USP48: variants seen among roughly 807,000 people sequenced by gnomAD.
USP48 encodes ubiquitin specific peptidase 48, also known as ubiquitin carboxyl-terminal hydrolase 48.
Under a neutral mutation model 150.7 loss-of-function variants are expected in USP48, and 43 were observed. The observed-to-expected ratio is 0.29, with a 90% CI of 0.22 to 0.37. The LOEUF (loss-of-function observed/expected upper bound fraction) is 0.37. Among genes scored for constraint, USP48 ranks in the 10% least tolerant of loss-of-function variants. The probability of loss-of-function intolerance (pLI) is 1.00; values close to 1 mark genes in which losing one functional copy is unlikely to be tolerated. For missense variants in USP48, 813 were observed against 1,249.6 expected, an observed-to-expected ratio of 0.65 and a Z score of 5.27; for synonymous variants, 396 against 425.9, an observed-to-expected ratio of 0.93 and a Z score of 0.86.
chr1:21,713,751 T>A (rs1255199480), intron 15 of USP48, among the ~76,000 whole-genome samples: 2 of 152,206 alleles, frequency 1.3e-5, no homozygotes, highest in African/African-American at 4.8e-5. Context: ...TCACCCAAAC[T>A]TCCTTCCCCT....
intron 2 of USP48, chr1:21,757,406 T>TA: frequency 3.3e-6 from 1 of 304,908 alleles, no homozygotes; most frequent in Non-Finnish European, 5.9e-6. Context: ...CATGCAATGT[T>TA]AAAGCAAACA....
chr1:21,709,490 G>A (rs200352233), intron 15 of USP48, among the ~76,000 whole-genome samples: 3 of 151,416 alleles, frequency 2.0e-5, no homozygotes, highest in African/African-American at 4.9e-5. Context: ...GAAATACAAC[G>A]TAACCATAAA....
At chr1:21,680,897 C>T in intron 25 of USP48, 63 bp from the exon 26 acceptor site, 2 of 1,285,522 alleles carry the variant, frequency 1.6e-6, no homozygotes, top group South Asian at 2.7e-5. Context: ...ACAGTAATAT[C>T]ATTTCAATGC....
intron 25 of USP48, among the ~76,000 whole-genome samples, chr1:21,684,450 G>A (rs759522048): frequency 2.7e-4 from 41 of 152,134 alleles, no homozygotes; most frequent in Non-Finnish European, 5.9e-4. Context: ...GTTCAGGTCC[G>A]TTGCCTACTG....
chr1:21,708,645 A>G (rs897476785), intron 15 of USP48, among the ~76,000 whole-genome samples: 5 of 152,170 alleles, frequency 3.3e-5, no homozygotes, highest in Non-Finnish European at 5.9e-5. Flanking sequence ...GCACTTTAGG[A>G]GGCTGAGGTG....
At chr1:21,705,880 C>A in intron 18 of USP48, 43 bp from the exon 19 acceptor site, 1 of 1,441,678 alleles carries the variant, frequency 6.9e-7, no homozygotes, top group African/African-American at 1.4e-5. Context: ...CTAATTACTG[C>A]ATGACGAAAG....
At chr1:21,747,030 G>C (rs1009768284) in intron 8 of USP48, 37 bp downstream of exon 8, 4 of 1,472,996 alleles carry the variant, frequency 2.7e-6, no homozygotes, top group Non-Finnish European at 3.7e-6. Flanking sequence ...TAGAGTCTCT[G>C]AGCATTATAA....
chr1:21,695,803 T>G (rs912054363), intron 22 of USP48, among the ~76,000 whole-genome samples: 3 of 152,178 alleles, frequency 2.0e-5, no homozygotes, highest in Admixed American at 2.0e-4. Flanking sequence ...TTTTAAACAT[T>G]TTCTTCTCTT....
At chr1:21,730,865 A>G (rs2097755099) in intron 9 of USP48, among the ~76,000 whole-genome samples, 1 of 150,542 alleles carries the variant, frequency 6.6e-6, no homozygotes, top group Non-Finnish European at 1.5e-5. Context: ...GGTTCAAGCG[A>G]TTCTCATGCC....
chr1:21,780,711 C>A (rs2097912147), intron 1 of USP48, among the ~76,000 whole-genome samples: 1 of 149,952 alleles, frequency 6.7e-6, no homozygotes, highest in African/African-American at 2.4e-5. Context: ...GCGGAACATA[C>A]AGGGCATACA....
intron 1 of USP48, among the ~76,000 whole-genome samples, chr1:21,760,005 A>AAATTTAACACACC (rs2152613933): frequency 6.6e-6 from 1 of 152,346 alleles, no homozygotes; most frequent in African/African-American, 2.4e-5. Context: ...CCAAATGCTT[A>AAATTTAACACACC]AATTTAACAC....
chr1:21,704,936 T>G (rs1242961520), intron 19 of USP48, among the ~76,000 whole-genome samples: 1 of 151,210 alleles, frequency 6.6e-6, no homozygotes, highest in Non-Finnish European at 1.5e-5. Context: ...ACATTTGCAA[T>G]AACAACGACA....
Position 21,753,012 on chromosome 1 carries a change from G to A in USP48, c.520C>T (p.Leu174=). The stretch of plus-strand genomic sequence containing the variant: ...CTTACCTGCTGTTGTCCAGTGTCCA[G>A]GCCCAAGGCTTTAACAAATCCTGAT... ...DPSGFVKALG[L]DTGQQQDAQE... Residue 174 remains leucine, a synonymous_variant, in exon 4 of 27, where the codon CTG becomes TTG. Coordinates refer to ENST00000308271, the MANE Select transcript of USP48 (RefSeq NM_032236.8). 6.2e-7 allele frequency: 1 copy of A among 1,605,704 alleles called. No homozygotes were observed. Among genetic ancestry groups the A allele is most frequent in the Non-Finnish European group, 8.5e-7 (1 of 1,178,176 alleles).
intron 1 of USP48, among the ~76,000 whole-genome samples, chr1:21,779,646 A>C (rs1337711922): frequency 6.6e-6 from 1 of 152,194 alleles, no homozygotes; most frequent in Non-Finnish European, 1.5e-5. Flanking sequence ...ATAAATGCCC[A>C]CACAAAAACT....
intron 1 of USP48, among the ~76,000 whole-genome samples, chr1:21,762,278 A>G (rs1257659032): frequency 6.6e-6 from 1 of 152,148 alleles, no homozygotes; most frequent in Non-Finnish European, 1.5e-5. Context: ...TCAAAAAAAA[A>G]AAGAAGAAAC....
intron 14 of USP48, among the ~76,000 whole-genome samples, chr1:21,716,157 T>C (rs1057072087): frequency 6.6e-6 from 1 of 152,188 alleles, no homozygotes; most frequent in African/African-American, 2.4e-5. Context: ...ATATGATTTT[T>C]TTTCTTTCCT....
intron 15 of USP48, 86 bp downstream of exon 15, chr1:21,715,303 G>A: frequency 9.8e-7 from 1 of 1,020,822 alleles, no homozygotes; most frequent in Non-Finnish European, 1.4e-6. Context: ...TAAGATGTGA[G>A]AGATACTGGC....
chr1:21,779,453 C>T (rs2097909134), intron 1 of USP48, among the ~76,000 whole-genome samples: 2 of 151,394 alleles, frequency 1.3e-5, no homozygotes, highest in South Asian at 4.2e-4. Flanking sequence ...GGCTGAGGCA[C>T]AAGAATCGCT....
intron 1 of USP48, among the ~76,000 whole-genome samples, chr1:21,759,878 G>C (rs748999015): frequency 2.6e-5 from 4 of 152,176 alleles, no homozygotes; most frequent in Non-Finnish European, 5.9e-5. Context: ...GGATGCTAAC[G>C]TAGGCAAGTT....
Sources: gnomAD v4.1 joint callset for allele counts (sites outside exome capture counted in the v4.1 genomes callset) on GRCh38, gnomAD v4.1.1 for gene constraint, MANE v1.5 for transcripts, NCBI Gene and HGNC (gene_info 2026-07-23, HGNC 2026-07-21) for gene names.